TAFA1: variants seen among roughly 807,000 people sequenced by gnomAD.
TAFA1 encodes TAFA chemokine like family member 1, also known as chemokine-like protein TAFA-1.
In TAFA1, 4 loss-of-function variants were observed where a neutral mutation model predicts 18.5. The ratio of observed to expected loss-of-function variants is 0.22; its 90% CI spans 0.11 to 0.49. TAFA1 has a LOEUF of 0.49. Among genes scored for constraint, TAFA1 ranks in the 20% least tolerant of loss-of-function variants. The probability of loss-of-function intolerance (pLI) is 0.98; values close to 1 mark genes in which losing one functional copy is unlikely to be tolerated. For synonymous variants in TAFA1, 56 were observed against 55.2 expected (o/e 1.01, Z -0.06); for missense variants, 147 against 169.0 (o/e 0.87, Z 0.72).
chr3:68,111,780 A>G (rs6549000), intron 2 of TAFA1, among the ~76,000 whole-genome samples: 31,690 of 145,450 alleles, frequency 0.22, 3,505 homozygotes, highest in Middle Eastern at 0.28. Context: ...ACACATGAGA[A>G]AGAGAGAGAG....
At position 68,366,448 on chromosome 3, in the gene TAFA1, T is replaced by A. The variant is rs182155961; in HGVS notation, c.119-50832T>A. On this transcript the variant is annotated intron_variant, in intron 2 of 4. Transcript: ENST00000478136. Reference sequence around the variant, plus strand: ...AGTCTTCCTTTAACATCCTTACACCTAGTACTTGTTTTCAAACCATTACAC... The same window carrying A: ...AGTCTTCCTTTAACATCCTTACACCAAGTACTTGTTTTCAAACCATTACAC... Among the ~76,000 whole-genome samples the A allele has an allele frequency of 2.6e-5, 4 of 152,324 alleles. No individual in the cohort carries two copies. In the East Asian group the frequency reaches 5.8e-4, roughly 22 times the overall value.
At chr3:68,479,273 C>G (rs1036863176) in intron 3 of TAFA1, among the ~76,000 whole-genome samples, 1 of 145,270 alleles carries the variant, frequency 6.9e-6, no homozygotes, top group Non-Finnish European at 1.5e-5. Context: ...TGTCTGTACC[C>G]TATAAACTGT....
chr3:68,536,763 T>C (rs1330569084), intron 3 of TAFA1, among the ~76,000 whole-genome samples: 1 of 152,212 alleles, frequency 6.6e-6, no homozygotes, highest in Non-Finnish European at 1.5e-5. Context: ...ACTAAATTCA[T>C]TGCCAGCTTC....
At chr3:68,470,147 T>A (rs2071970327) in intron 3 of TAFA1, among the ~76,000 whole-genome samples, 1 of 152,192 alleles carries the variant, frequency 6.6e-6, no homozygotes, top group African/African-American at 2.4e-5. Context: ...AAGGGAAGTT[T>A]TCCTGCACAA....
intron 2 of TAFA1, among the ~76,000 whole-genome samples, chr3:68,268,200 G>A (rs1424208174): frequency 6.6e-6 from 1 of 152,086 alleles, no homozygotes; most frequent in Non-Finnish European, 1.5e-5. Context: ...TATTCTGAAA[G>A]GATGACCAAA....
rs113684093 is a variant in TAFA1, at chr3:68,347,482, G to GATTT, written c.119-69785_119-69782dup. The stretch of plus-strand genomic sequence containing the variant: ...TGTATAACATAGTTATTTCCTAATG[G>GATTT]ATTTATTTATTTATTTCATAATGGA... On this transcript the variant is annotated intron_variant, in intron 2 of 4. Transcript: ENST00000478136. 2.3e-4 allele frequency among the ~76,000 whole-genome samples: 35 copies of GATTT among 152,110 alleles called. 1 individual carries two copies. Among genetic ancestry groups the GATTT allele is most frequent in the African/African-American group, 7.7e-4 (32 of 41,428 alleles).
intron 2 of TAFA1, among the ~76,000 whole-genome samples, chr3:68,134,434 G>T (rs368810289): frequency 2.6e-5 from 4 of 152,086 alleles, no homozygotes; most frequent in African/African-American, 9.7e-5. Context: ...ATTATTTAAA[G>T]ATCCGTATAG....
chr3:68,220,882 C>T (rs1431834338), intron 2 of TAFA1, among the ~76,000 whole-genome samples: 1 of 152,172 alleles, frequency 6.6e-6, no homozygotes, highest in African/African-American at 2.4e-5. Context: ...CTATCAGACT[C>T]ATCCTCAGAT....
At chr3:68,373,078 G>A (rs535053800) in intron 2 of TAFA1, among the ~76,000 whole-genome samples, 22 of 152,248 alleles carry the variant, frequency 1.4e-4, no homozygotes, top group Middle Eastern at 3.4e-3. Flanking sequence ...CATAGATACT[G>A]CTTTTTTTCC....
At position 68,370,502 on chromosome 3, in the gene TAFA1, A is replaced by G. The variant is rs1228670781; in HGVS notation, c.119-46778A>G. Among the ~76,000 whole-genome samples the G allele has an allele frequency of 6.4e-4, 65 of 101,316 alleles. 10 individuals carry two copies. In the East Asian group the frequency reaches 0.013, roughly 20 times the overall value. 66.5% of individuals were successfully genotyped at this position (101,316 alleles called of 152,430 possible). On this transcript the variant is annotated intron_variant, in intron 2 of 4. Coordinates refer to ENST00000478136, the MANE Select transcript of TAFA1 (RefSeq NM_213609.4). ...TATATATATATATATATATATATAT[A>G]TATATATATATATACCCACATATGT... is the stretch of plus-strand genomic sequence containing the variant.
intron 3 of TAFA1, among the ~76,000 whole-genome samples, chr3:68,463,304 T>C (rs1263565418): frequency 6.6e-6 from 1 of 152,104 alleles, no homozygotes; most frequent in Non-Finnish European, 1.5e-5. Context: ...GTTAAAGAAG[T>C]TATTTAGCGA....
intron 2 of TAFA1, among the ~76,000 whole-genome samples, chr3:68,295,542 C>T (rs1251913153): frequency 6.6e-6 from 1 of 152,146 alleles, no homozygotes; most frequent in Non-Finnish European, 1.5e-5. Context: ...TATTTACCCT[C>T]ACAGAGAAAG....
chr3:68,198,820 C>G, intron 2 of TAFA1, among the ~76,000 whole-genome samples: 1 of 151,384 alleles, frequency 6.6e-6, no homozygotes, highest in East Asian at 2.0e-4. Flanking sequence ...TGTGGTTTGT[C>G]TTTTCATTCT....
chr3:68,077,365 A>G (rs2064838290), intron 2 of TAFA1, among the ~76,000 whole-genome samples: 1 of 129,362 alleles, frequency 7.7e-6, no homozygotes, highest in East Asian at 2.1e-4. Context: ...TTGGTGTTTT[A>G]GACATGAAGT....
intron 2 of TAFA1, among the ~76,000 whole-genome samples, chr3:68,101,077 A>G (rs9850789): frequency 1 from 152,196 of 152,214 alleles, 76,089 homozygotes; most frequent in Middle Eastern, 1. Context: ...TTGTGTCATG[A>G]GGGTTTGTAG....
chr3:68,191,722 G>A (rs186643939), intron 2 of TAFA1, among the ~76,000 whole-genome samples: 9 of 151,796 alleles, frequency 5.9e-5, no homozygotes, highest in Admixed American at 4.6e-4. Flanking sequence ...TCATCTTAAG[G>A]TTACAACATA....
chr3:68,115,204 C>T (rs1016873792), intron 2 of TAFA1, among the ~76,000 whole-genome samples: 8 of 152,042 alleles, frequency 5.3e-5, no homozygotes, highest in African/African-American at 1.2e-4. Flanking sequence ...GTTTGCTATA[C>T]GGTAATTAAT....
At chr3:68,364,169 C>T (rs572555286) in intron 2 of TAFA1, among the ~76,000 whole-genome samples, 19 of 152,280 alleles carry the variant, frequency 1.2e-4, no homozygotes, top group African/African-American at 4.3e-4. Flanking sequence ...TATCTCCCAC[C>T]TCAGCTTTAA....
chr3:68,023,715 T>G lies in TAFA1; in HGVS notation c.118+16971T>G, dbSNP rs532291137. Among the ~76,000 whole-genome samples the G allele has an allele frequency of 2.0e-5, 3 of 152,246 alleles. No homozygotes were observed. The East Asian group carries it at 5.8e-4, about 29-fold the overall frequency. On this transcript the variant is annotated intron_variant, in intron 2 of 4. Transcript: ENST00000478136. ...ACTCAGTCTATAAAGAAGGCAAAAG[T>G]GTAGATTTGAGAAGGGAATAATCCA...
Sources: allele counts gnomAD v4.1 joint callset (sites outside exome capture counted in the v4.1 genomes callset), GRCh38; gene constraint gnomAD v4.1.1; transcripts MANE v1.5; gene names NCBI Gene and HGNC (gene_info 2026-07-23, HGNC 2026-07-21).